NRXN2: variants seen among roughly 807,000 people sequenced by gnomAD.
The protein encoded by NRXN2 is neurexin-2-beta.
Under a neutral mutation model 128.8 loss-of-function variants are expected in NRXN2, and 29 were observed. That is an observed-to-expected ratio of 0.23 (90% CI 0.17 to 0.31). NRXN2 has a LOEUF of 0.31. Among genes scored for constraint, NRXN2 ranks in the 10% least tolerant of loss-of-function variants. The pLI, the probability that NRXN2 is intolerant of heterozygous loss-of-function variation, is 1.00. For missense variants in NRXN2, 1,881 were observed against 2,452.6 expected (o/e 0.77, Z 4.92); for synonymous variants, 1,098 against 1,075.2 (o/e 1.02, Z -0.41).
chr11:64,607,746 C>A lies in NRXN2; in HGVS notation c.4589G>T (p.Arg1530Leu). Residue 1530 changes from arginine (R) to leucine (L), a missense_variant, in exon 23 of 23, where the codon CGC (arginine) becomes CTC (leucine). Coordinates refer to ENST00000265459, the MANE Select transcript of NRXN2 (RefSeq NM_015080.4). ...VTDRTTLLSP[R>L]KPAPRPNLRT... is the part of the protein sequence containing the mutation. Reference sequence around the variant, plus strand: ...GAGGTTGGGCCGGGGAGCGGGTTTGCGGGGTGACAGGAGGGTGGTGCGGTC... The same window carrying A: ...GAGGTTGGGCCGGGGAGCGGGTTTGAGGGGTGACAGGAGGGTGGTGCGGTC... The A allele has an allele frequency of 6.3e-7, 1 of 1,576,866 alleles. No homozygotes were observed.
At chr11:64,705,718 T>C (rs1488911146) in intron 2 of NRXN2, among the ~76,000 whole-genome samples, 1 of 151,860 alleles carries the variant, frequency 6.6e-6, no homozygotes, top group African/African-American at 2.4e-5. Flanking sequence ...CACCACCACT[T>C]AACACAAGCA....
In NRXN2 at chr11:64,607,743, T is replaced by C. The variant is rs2039884934; in HGVS notation, c.4592A>G (p.Lys1531Arg). 2 of 1,576,394 alleles carry C rather than the reference T, an allele frequency of 1.3e-6. No individual in the cohort carries two copies. Among genetic ancestry groups the C allele is most frequent in the Non-Finnish European group, 1.7e-6 (2 of 1,161,600 alleles). The change falls in exon 23 of 23, where the codon AAA (lysine) becomes AGA (arginine). Residue 1531 changes from lysine (K) to arginine (R), a missense_variant. Physicochemically the swap from Lys to Arg is conservative, Grantham distance 26. Transcript: ENST00000265459. ...CCTGAGGTTGGGCCGGGGAGCGGGTTTGCGGGGTGACAGGAGGGTGGTGCG... is the reference window on the plus strand; with the variant it reads ...CCTGAGGTTGGGCCGGGGAGCGGGTCTGCGGGGTGACAGGAGGGTGGTGCG... The part of the protein sequence containing the change: ...TDRTTLLSPR[K>R]PAPRPNLRTD...
At chr11:64,704,623 C>CAG (rs61394963) in intron 2 of NRXN2, among the ~76,000 whole-genome samples, 3,970 of 81,022 alleles carry the variant, frequency 0.049, 234 homozygotes, top group Middle Eastern at 0.11. Context: ...CACACACACA[C>CAG]AGAGAGAGAG....
intron 6 of NRXN2, among the ~76,000 whole-genome samples, chr11:64,683,458 A>G (rs1424300367): frequency 6.6e-6 from 1 of 152,014 alleles, no homozygotes; most frequent in Non-Finnish European, 1.5e-5. Flanking sequence ...CATCTCTACT[A>G]AAAATACAGA....
Position 64,623,155 on chromosome 11 carries a change from G to A in NRXN2, c.3848-77C>T, listed in dbSNP as rs2042614982. 6 of 1,515,114 alleles carry A rather than the reference G, an allele frequency of 4.0e-6. No individual in the cohort carries two copies. Among genetic ancestry groups the A allele is most frequent in the Non-Finnish European group, 4.4e-6 (5 of 1,128,122 alleles). 93.9% of individuals were successfully genotyped at this position (1,515,114 alleles called of 1,614,324 possible). The stretch of plus-strand genomic sequence containing the variant: ...CCAGGAAGGGAAGGAAGAAAAGAAG[G>A]AAGCCAAGGAGAGGAAAGAGGAATG... On this transcript the variant is annotated intron_variant, in intron 20 of 22. Coordinates refer to ENST00000265459, the MANE Select transcript of NRXN2 (RefSeq NM_015080.4). This position sits in a 1 kb window ranked among gnomAD's most constrained non-coding sequence, Gnocchi z 4.9.
intron 2 of NRXN2, among the ~76,000 whole-genome samples, chr11:64,701,837 C>T (rs910941356): frequency 4.0e-5 from 6 of 151,232 alleles, no homozygotes; most frequent in African/African-American, 7.3e-5. Flanking sequence ...CGCCTCTGCC[C>T]GGCCGCCCCT....
intron 22 of NRXN2, among the ~76,000 whole-genome samples, chr11:64,610,199 A>AGG (rs1221034549): frequency 6.6e-6 from 1 of 151,998 alleles, no homozygotes; most frequent in African/African-American, 2.4e-5. Context: ...TCCCCTGGCC[A>AGG]GGGGCTCACC....
rs1162328298 is a variant in NRXN2 at position 64,723,037 on chromosome 11, G to C, written c.-311C>G. 2 of 148,692 alleles carry C rather than the reference G, an allele frequency of 1.3e-5. No individual in the cohort carries two copies. Among genetic ancestry groups the C allele is most frequent in the East Asian group, 2.0e-4 (1 of 4,974 alleles). 9.2% of individuals were successfully genotyped at this position (148,692 alleles called of 1,614,324 possible). A position where few individuals can be genotyped will look rare whatever the true frequency, so the allele number is the denominator to read the frequency against. On this transcript the variant is annotated 5_prime_UTR_variant, in exon 1 of 23. Coordinates refer to ENST00000265459, the MANE Select transcript of NRXN2 (RefSeq NM_015080.4). ...GCTACAGGGCCGCCCCGTCTCCGAC[G>C]GGTGGCAGAGCCAGGGCTAGCGGTG...
chr11:64,621,270 G>T (rs2042306658), intron 21 of NRXN2, among the ~76,000 whole-genome samples: 1 of 152,134 alleles, frequency 6.6e-6, no homozygotes, highest in South Asian at 2.1e-4. Context: ...CCCCACCACA[G>T]CAGTGACTCC....
intron 11 of NRXN2, among the ~76,000 whole-genome samples, chr11:64,658,657 T>C (rs1152625): frequency 0.98 from 149,701 of 152,386 alleles, 73,590 homozygotes; most frequent in Middle Eastern, 1. Flanking sequence ...GGCAATGGGT[T>C]CCCCAAAGGC....
In NRXN2 at chr11:64,642,821, C is replaced by T. The variant is rs2045939545; in HGVS notation, c.3403+5398G>A. ...GGGGGCATTTCGGCCCGGGGGCGACCGCCTCACAGCCCCATGGCCGGGGGC... is the reference window on the plus strand; with the variant it reads ...GGGGGCATTTCGGCCCGGGGGCGACTGCCTCACAGCCCCATGGCCGGGGGC... On this transcript the variant is annotated intron_variant, in intron 17 of 22. Coordinates refer to ENST00000265459, the MANE Select transcript of NRXN2 (RefSeq NM_015080.4). 8.1e-6 allele frequency: 9 copies of T among 1,112,414 alleles called. No individual in the cohort carries two copies. In the South Asian group the frequency reaches 3.0e-4, roughly 37 times the overall value. 68.9% of individuals were successfully genotyped at this position (1,112,414 alleles called of 1,614,324 possible). A position where few individuals can be genotyped will look rare whatever the true frequency, so the allele number is the denominator to read the frequency against.
chr11:64,607,811 C>G lies in NRXN2; in HGVS notation c.4524G>C (p.Thr1508=), dbSNP rs757120690. The change falls in exon 23 of 23, where the codon ACG becomes ACC. Residue 1508 remains threonine (T), a synonymous_variant. Transcript: ENST00000265459. ...GEVFDSSLPP[T]DDEDFYTTFP... is the part of the protein sequence containing the mutation. Reference sequence around the variant, plus strand: ...AGGTGGTGTAAAAGTCCTCGTCGTCCGTGGGGGGGAGGCTGGAGTCAAAGA... The same window carrying G: ...AGGTGGTGTAAAAGTCCTCGTCGTCGGTGGGGGGGAGGCTGGAGTCAAAGA... The G allele has an allele frequency of 8.7e-6, 14 of 1,601,372 alleles. No individual in the cohort carries two copies. Among genetic ancestry groups the G allele is most frequent in the Admixed American group, 1.7e-5 (1 of 58,866 alleles).
At chr11:64,716,713 G>A (rs892279466) in intron 1 of NRXN2, among the ~76,000 whole-genome samples, 1 of 152,182 alleles carries the variant, frequency 6.6e-6, no homozygotes, top group Non-Finnish European at 1.5e-5. Flanking sequence ...CTGCAGCAGA[G>A]GCCAGCCAGG....
At position 64,651,889 on chromosome 11, in the gene NRXN2, A is replaced by G. The variant is rs2047506599; in HGVS notation, c.2536+146T>C. Reference sequence around the variant, plus strand: ...TTCCTGGGGTCCAGATGCCCATAACATTCCACCCCTGAAGGAGAAATGGCA... The same window carrying G: ...TTCCTGGGGTCCAGATGCCCATAACGTTCCACCCCTGAAGGAGAAATGGCA... On this transcript the variant is annotated intron_variant, in intron 13 of 22. Coordinates refer to ENST00000265459, the MANE Select transcript of NRXN2 (RefSeq NM_015080.4). This position sits in a 1 kb window ranked among gnomAD's most constrained non-coding sequence, Gnocchi z 5.9. 3.0e-6 allele frequency: 4 copies of G among 1,313,230 alleles called. No individual in the cohort carries two copies. The highest frequency in any genetic ancestry group is 2.3e-5 in the East Asian group (1 of 42,894). 81.3% of individuals were successfully genotyped at this position (1,313,230 alleles called of 1,614,324 possible).
At position 64,606,442 on chromosome 11, in the gene NRXN2, T is replaced by G. The variant is rs954464920; in HGVS notation, c.*754A>C. On this transcript the variant is annotated 3_prime_UTR_variant, in exon 23 of 23. Transcript: ENST00000265459. ...TATCTGCATTTGCCTTTCCCCTCCC[T>G]CCCACCCCCCACCCCTGCTCCTCCA... 1.9e-5 allele frequency: 1 copy of G among 53,452 alleles called. No homozygotes were observed. Among genetic ancestry groups the G allele is most frequent in the South Asian group, 1.1e-3 (1 of 932 alleles). The allele number at this position is 53,452 out of a possible 1,614,324, so 3.3% of individuals were successfully genotyped here.
At chr11:64,722,010 C>T (rs1418538972) in intron 1 of NRXN2, among the ~76,000 whole-genome samples, 1 of 152,060 alleles carries the variant, frequency 6.6e-6, no homozygotes, top group East Asian at 1.9e-4. Flanking sequence ...GTAAAGGAGA[C>T]AACAGCACCC....
chr11:64,619,116 C>A (rs2041949542), intron 22 of NRXN2, among the ~76,000 whole-genome samples: 1 of 152,150 alleles, frequency 6.6e-6, no homozygotes, highest in Admixed American at 6.5e-5. Flanking sequence ...CACTGCCCAC[C>A]TCCTGACCAC....
At chr11:64,702,337 TGGC>T (rs2055592281) in intron 2 of NRXN2, among the ~76,000 whole-genome samples, 1 of 151,948 alleles carries the variant, frequency 6.6e-6, no homozygotes, top group African/African-American at 2.4e-5. Context: ...ATGATGACAA[TGGC>T]GGTTTTGTAG....
At chr11:64,705,660 A>C (rs1312716303) in intron 2 of NRXN2, among the ~76,000 whole-genome samples, 1 of 151,844 alleles carries the variant, frequency 6.6e-6, no homozygotes, top group Non-Finnish European at 1.5e-5. Flanking sequence ...CCCAGCTTCA[A>C]CTCAAAGCTC....
Sources: gnomAD v4.1 joint callset for allele counts (sites outside exome capture counted in the v4.1 genomes callset) on GRCh38, gnomAD v4.1.1 for gene constraint, Gnocchi (gnomAD v3.1) non-coding constraint, MANE v1.5 for transcripts, NCBI Gene and HGNC (gene_info 2026-07-23, HGNC 2026-07-21) for gene names.